ARRDC2: variants seen among roughly 807,000 people sequenced by gnomAD.
ARRDC2 encodes arrestin domain-containing protein 2.
Under a neutral mutation model 38.9 loss-of-function variants are expected in ARRDC2, and 39 were observed. The observed-to-expected ratio is 1.00, with a 90% CI of 0.78 to 1.31. ARRDC2 has a LOEUF of 1.31. Among genes scored for constraint, ARRDC2 ranks in the 50% most tolerant of loss-of-function variants. ARRDC2 has a pLI of 0.00. For synonymous variants in ARRDC2, 300 were observed against 261.9 expected, an observed-to-expected ratio of 1.15 and a Z score of -1.41; for missense variants, 553 against 588.4, an observed-to-expected ratio of 0.94 and a Z score of 0.62.
At chr19:18,008,126 CCCCCG>C, upstream of ARRDC2, 1 of 907,736 alleles carries the variant, frequency 1.1e-6, no homozygotes, top group Non-Finnish European at 1.5e-6. Flanking sequence ...ACCCCACCCC[CCCCCG>C]CCCTGCCGTA....
intron 2 of ARRDC2, 90 bp from the exon 3 acceptor site, chr19:18,008,881 C>G (rs1168776258): frequency 3.1e-6 from 5 of 1,594,860 alleles, no homozygotes; most frequent in Non-Finnish European, 4.3e-6. Context: ...AGACTCTCCC[C>G]CTGGGAGGCC....
At chr19:18,008,811 C>T in intron 2 of ARRDC2, 34 bp downstream of exon 2, 1 of 1,610,804 alleles carries the variant, frequency 6.2e-7, no homozygotes, top group Non-Finnish European at 8.5e-7. Flanking sequence ...TGCCCTAAGC[C>T]TGCAGCCCCT....
rs1003811013 is a variant in ARRDC2, at chr19:18,013,784, C to T, written c.*818C>T. 3 of 152,184 alleles carry T rather than the reference C, an allele frequency of 2.0e-5. No individual in the cohort carries two copies. The highest frequency in any genetic ancestry group is 7.2e-5 in the African/African-American group (3 of 41,424). The allele number at this position is 152,184 out of a possible 1,614,324, so 9.4% of individuals were successfully genotyped here. A position where few individuals can be genotyped will look rare whatever the true frequency, so the allele number is the denominator to read the frequency against. On this transcript the variant is annotated 3_prime_UTR_variant, in exon 8 of 8. Coordinates refer to ENST00000222250, the MANE Select transcript of ARRDC2 (RefSeq NM_015683.2). Reference sequence around the variant, plus strand: ...CAGGTTCAGGGTAGGACAGGCAAGACCAGATACCCAATGTGCAAAGTGAAA... The same window carrying T: ...CAGGTTCAGGGTAGGACAGGCAAGATCAGATACCCAATGTGCAAAGTGAAA...
chr19:18,001,540 A>G, exon 1 of ARRDC2: 1 of 1,386,056 alleles, frequency 7.2e-7, no homozygotes, highest in Middle Eastern at 2.5e-4. Context: ...GGCCGCGGAG[A>G]CCTACCTGCG....
upstream of ARRDC2, chr19:18,008,050 G>C: frequency 9.5e-7 from 1 of 1,053,354 alleles, no homozygotes; most frequent in Non-Finnish European, 1.3e-6. Flanking sequence ...CTCCACGCCT[G>C]GGCAGAGCCA....
Position 18,011,824 on chromosome 19 carries a change from A to G in ARRDC2, c.1171-1089A>G, listed in dbSNP as rs541161181. 9.2e-5 allele frequency among the ~76,000 whole-genome samples: 14 copies of G among 151,884 alleles called. No individual in the cohort carries two copies. The East Asian group carries it at 1.7e-3, about 19-fold the overall frequency. On this transcript the variant is annotated intron_variant, in intron 7 of 7. Transcript: ENST00000222250. ...CAGTGAGCAATGATTGTGCTACTAC[A>G]TACTCCAGTCTGGGAGACAAAACAA...
rs759104079 is a variant in ARRDC2, at chr19:18,009,701, G to T, written c.592+7G>T. On this transcript the variant is annotated splice_region_variant and intron_variant, in intron 4 of 7. Transcript: ENST00000222250. ...CGCAAGGGCTACACCCCAGGTAGCA[G>T]GCGGACCGGACTGGGTTGGGACGGG... 6.2e-7 allele frequency: 1 copy of T among 1,611,990 alleles called. No homozygotes were observed. Among genetic ancestry groups the T allele is most frequent in the South Asian group, 1.1e-5 (1 of 90,998 alleles).
In ARRDC2 at chr19:18,009,025, G is replaced by C. The variant is rs2033347243; in HGVS notation, c.396G>C (p.Lys132Asn). 3.7e-6 allele frequency: 6 copies of C among 1,613,730 alleles called. No homozygotes were observed. The highest frequency in any genetic ancestry group is 2.5e-6 in the Non-Finnish European group (3 of 1,180,002). ...ACGGTAGTGTCCGCTACTGTATCAA[G>C]GCCACCCTGCACCGGCCCTGGGTCC... is the stretch of plus-strand genomic sequence containing the variant. ...GKHGSVRYCI[K>N]ATLHRPWVPA... Residue 132 changes from lysine to asparagine, a missense_variant, in exon 3 of 8, where the codon AAG (lysine) becomes AAC (asparagine). Physicochemically the swap from Lys to Asn is moderately conservative, Grantham distance 94. Transcript: ENST00000222250.
upstream of ARRDC2, among the ~76,000 whole-genome samples, chr19:18,003,364 T>A (rs1241097810): frequency 1.3e-5 from 2 of 151,882 alleles, no homozygotes; most frequent in African/African-American, 2.4e-5. Flanking sequence ...CCTCCCATGT[T>A]CAAGTGATTC....
exon 1 of ARRDC2, chr19:18,001,171 G>A (rs937389059): frequency 5.4e-6 from 5 of 932,226 alleles, no homozygotes; most frequent in African/African-American, 1.8e-5. Flanking sequence ...CTGGGCCACC[G>A]GCGCCGGCCC....
In ARRDC2 at chr19:18,009,009, T is replaced by G. The variant is rs1312989590; in HGVS notation, c.380T>G (p.Val127Gly). 1 of 1,613,688 alleles carries G rather than the reference T, an allele frequency of 6.2e-7. No homozygotes were observed. The highest frequency in any genetic ancestry group is 1.1e-5 in the South Asian group (1 of 91,082). ...VTSFEGKHGSVRYCIKATLHR... is the reference protein window; with the variant it reads ...VTSFEGKHGSGRYCIKATLHR... ...TCCTTCGAGGGCAAACACGGTAGTGTCCGCTACTGTATCAAGGCCACCCTG... is the reference window on the plus strand; with the variant it reads ...TCCTTCGAGGGCAAACACGGTAGTGGCCGCTACTGTATCAAGGCCACCCTG... Residue 127 changes from valine (V) to glycine (G), a missense_variant, in exon 3 of 8, where the codon GTC becomes GGC. By Grantham distance (109) the Val-to-Gly change is moderately radical (BLOSUM62 -3). Coordinates refer to ENST00000222250, the MANE Select transcript of ARRDC2 (RefSeq NM_015683.2).
upstream of ARRDC2, among the ~76,000 whole-genome samples, chr19:18,006,558 A>C (rs2033283152): frequency 1.3e-5 from 2 of 152,162 alleles, no homozygotes. Flanking sequence ...CAGTGAGCCG[A>C]GATGGCAGCA....
chr19:18,005,373 G>A (rs532804182), upstream of ARRDC2, among the ~76,000 whole-genome samples: 5 of 152,094 alleles, frequency 3.3e-5, no homozygotes, highest in South Asian at 6.2e-4. Context: ...AAAATGAAAA[G>A]TCTCCCATGT....
chr19:18,008,858 CCT>C, intron 2 of ARRDC2, 81 bp downstream of exon 2: 1 of 1,595,794 alleles, frequency 6.3e-7, no homozygotes, highest in Non-Finnish European at 8.6e-7. Flanking sequence ...TATCTGGGCA[CCT>C]CTGAGCCCCA....
upstream of ARRDC2, among the ~76,000 whole-genome samples, chr19:18,006,385 G>A (rs2033278297): frequency 6.6e-6 from 1 of 152,220 alleles, no homozygotes; most frequent in Non-Finnish European, 1.5e-5. Context: ...GGCACCTCGG[G>A]AGGCTGAGGC....
upstream of ARRDC2, among the ~76,000 whole-genome samples, chr19:18,005,614 T>TG (rs2033257350): frequency 2.2e-5 from 3 of 136,470 alleles, no homozygotes; most frequent in South Asian, 2.4e-4. Context: ...GCTGGCCGGG[T>TG]GGGGGGCTGA....
upstream of ARRDC2, among the ~76,000 whole-genome samples, chr19:18,006,469 A>G (rs1053691776): frequency 4.6e-5 from 7 of 152,268 alleles, no homozygotes; most frequent in East Asian, 1.2e-3. Flanking sequence ...CACCAAAAAA[A>G]CCAGTCAGGC....
In ARRDC2 at chr19:18,010,185, C is replaced by T; in HGVS notation, c.850-11C>T. 1.2e-6 allele frequency: 2 copies of T among 1,611,434 alleles called. No homozygotes were observed. The highest frequency in any genetic ancestry group is 2.2e-5 in the East Asian group (1 of 44,836). On this transcript the variant is annotated splice_polypyrimidine_tract_variant and intron_variant, in intron 5 of 7. Coordinates refer to ENST00000222250, the MANE Select transcript of ARRDC2 (RefSeq NM_015683.2). ...TGCCTGGGCACCCTCCCTTATGGTT[C>T]CTTCCTCCAGGTCTGTGTGGATATC...
intron 7 of ARRDC2, among the ~76,000 whole-genome samples, chr19:18,011,049 A>G (rs2033401792): frequency 6.6e-6 from 1 of 152,052 alleles, no homozygotes; most frequent in South Asian, 2.1e-4. Context: ...CCCAGGCTGG[A>G]GTGCAATGGT....
Sources: allele counts gnomAD v4.1 joint callset (sites outside exome capture counted in the v4.1 genomes callset), GRCh38; gene constraint gnomAD v4.1.1; transcripts MANE v1.5; gene names NCBI Gene and HGNC (gene_info 2026-07-23, HGNC 2026-07-21).